The following LPAR1 variants were observed in gnomAD, a reference collection of about 807,000 sequenced individuals.
The protein encoded by LPAR1 is lysophosphatidic acid receptor 1.
A neutral mutation model predicts 23.8 loss-of-function variants in LPAR1; 5 were observed. The observed-to-expected ratio is 0.21, with a 90% CI of 0.11 to 0.44. LPAR1 has a LOEUF of 0.44. Ranked by LOEUF, LPAR1 falls within the 20% of genes least tolerant of loss-of-function variation. The pLI is 0.99. For missense variants in LPAR1, 311 were observed against 482.8 expected (o/e 0.64, Z 3.33); for synonymous variants, 160 against 164.7 (o/e 0.97, Z 0.22).
At chr9:110,896,660 T>C (rs1310993435) in intron 5 of LPAR1, among the ~76,000 whole-genome samples, 1 of 152,200 alleles carries the variant, frequency 6.6e-6, no homozygotes, top group Non-Finnish European at 1.5e-5. Context: ...GGTTACTAGA[T>C]TGAAGACTAG....
chr9:110,978,997 G>C (rs2096615072), intron 2 of LPAR1, among the ~76,000 whole-genome samples: 1 of 152,050 alleles, frequency 6.6e-6, no homozygotes, highest in African/African-American at 2.4e-5. Context: ...TTGCAGTTAG[G>C]AGGAATAAGG....
chr9:110,883,920 C>T (rs1422637202), intron 5 of LPAR1, among the ~76,000 whole-genome samples: 1 of 147,860 alleles, frequency 6.8e-6, no homozygotes, highest in Non-Finnish European at 1.5e-5. Context: ...TTCTAACGTA[C>T]ATCTTTTTTT....
At chr9:110,943,119 TA>T (rs2095227798) in intron 4 of LPAR1, among the ~76,000 whole-genome samples, 1 of 147,798 alleles carries the variant, frequency 6.8e-6, no homozygotes, top group Non-Finnish European at 1.5e-5. Context: ...TATATAATTA[TA>T]ATATGTAATT....
At chr9:110,947,691 A>T (rs988221799) in intron 4 of LPAR1, among the ~76,000 whole-genome samples, 3 of 152,204 alleles carry the variant, frequency 2.0e-5, no homozygotes, top group Admixed American at 6.5e-5. Flanking sequence ...TGATGCACCC[A>T]AGTGCCTGGC....
intron 2 of LPAR1, among the ~76,000 whole-genome samples, chr9:111,011,775 T>C (rs2097335842): frequency 6.6e-6 from 1 of 152,180 alleles, no homozygotes. Flanking sequence ...TGTTTGGATA[T>C]GAGGTGTTTA....
chr9:111,015,330 C>T (rs1228719855), intron 2 of LPAR1, among the ~76,000 whole-genome samples: 1 of 152,174 alleles, frequency 6.6e-6, no homozygotes, highest in Non-Finnish European at 1.5e-5. Context: ...CCCTCCCTCA[C>T]CCACCATATC....
At chr9:110,939,952 T>A (rs763445146) in intron 5 of LPAR1, among the ~76,000 whole-genome samples, 2 of 152,234 alleles carry the variant, frequency 1.3e-5, no homozygotes, top group Non-Finnish European at 2.9e-5. Flanking sequence ...AAAAATAGCA[T>A]CCATGGTAAA....
intron 5 of LPAR1, chr9:110,934,309 C>G (rs1281927551): frequency 6.6e-6 from 1 of 152,244 alleles, no homozygotes; most frequent in Non-Finnish European, 1.5e-5. Flanking sequence ...GAAAGTAAAG[C>G]CCCCAGATTC....
At chr9:110,911,757 T>C (rs1351075460) in intron 5 of LPAR1, among the ~76,000 whole-genome samples, 2 of 152,190 alleles carry the variant, frequency 1.3e-5, no homozygotes, top group African/African-American at 4.8e-5. Context: ...ATTACAAACA[T>C]AACTATCATA....
At chr9:110,970,661 C>G (rs2096388900) in intron 4 of LPAR1, among the ~76,000 whole-genome samples, 1 of 152,076 alleles carries the variant, frequency 6.6e-6, no homozygotes, top group Non-Finnish European at 1.5e-5. Context: ...GCCCCTTGTT[C>G]TCCTTTTTCC....
intron 2 of LPAR1, among the ~76,000 whole-genome samples, chr9:110,977,846 GGGAAGGAAGGAA>G (rs1196226719): frequency 0.068 from 5,099 of 75,052 alleles, 212 homozygotes; most frequent in African/African-American, 0.15. Context: ...GAAGGAAGGA[GGGAAGGAAGGAA>G]GGAAGGAAGG....
chr9:110,978,576 T>TA (rs1366913416), intron 2 of LPAR1, among the ~76,000 whole-genome samples: 2 of 152,198 alleles, frequency 1.3e-5, no homozygotes, highest in Non-Finnish European at 2.9e-5. Context: ...TATAGTCTGA[T>TA]ATAAACAAAA....
At chr9:110,957,819 C>G (rs1273520140) in intron 4 of LPAR1, among the ~76,000 whole-genome samples, 1 of 152,088 alleles carries the variant, frequency 6.6e-6, no homozygotes, top group African/African-American at 2.4e-5. Context: ...ATGACATGAT[C>G]TTATATCTAG....
intron 5 of LPAR1, among the ~76,000 whole-genome samples, chr9:110,903,940 C>T (rs145125813): frequency 4.7e-4 from 69 of 146,750 alleles, no homozygotes; most frequent in African/African-American, 1.7e-3. Context: ...AACACATTAC[C>T]TATTAGGGAA....
chr9:111,008,751 C>G (rs1172909646), intron 2 of LPAR1, among the ~76,000 whole-genome samples: 1 of 152,112 alleles, frequency 6.6e-6, no homozygotes, highest in Non-Finnish European at 1.5e-5. Context: ...TGGGGATGAC[C>G]TGAATTCCTA....
chr9:110,942,220 TA>T, intron 4 of LPAR1, 52 bp from the exon 5 acceptor site: 1 of 1,506,508 alleles, frequency 6.6e-7, no homozygotes. Context: ...GGTCCAAATT[TA>T]AAGCTTATAT....
At chr9:110,952,946 G>T (rs2095617115) in intron 4 of LPAR1, among the ~76,000 whole-genome samples, 3 of 152,110 alleles carry the variant, frequency 2.0e-5, no homozygotes, top group African/African-American at 7.2e-5. Context: ...CACTTCCTGG[G>T]GATCTCAGGA....
At chr9:110,903,678 T>A (rs1202561024) in intron 5 of LPAR1, among the ~76,000 whole-genome samples, 1 of 151,940 alleles carries the variant, frequency 6.6e-6, no homozygotes, top group African/African-American at 2.4e-5. Flanking sequence ...ATGTTCAAGA[T>A]TCACATCATC....
intron 4 of LPAR1, among the ~76,000 whole-genome samples, chr9:110,969,930 G>A (rs947524531): frequency 1.3e-5 from 2 of 152,100 alleles, no homozygotes; most frequent in South Asian, 2.1e-4. Context: ...CAGGAGCAGG[G>A]CATGTGCAGA....
Sources: gnomAD v4.1 joint callset for allele counts (sites outside exome capture counted in the v4.1 genomes callset) on GRCh38, gnomAD v4.1.1 for gene constraint, MANE v1.5 for transcripts, NCBI Gene and HGNC (gene_info 2026-07-23, HGNC 2026-07-21) for gene names.